Variants in AUTS2 observed in about 807,000 individuals in gnomAD.
AUTS2 encodes activator of transcription and developmental regulator AUTS2.
AUTS2 carries 17 observed loss-of-function variants against 112.4 expected under a neutral mutation model. The observed-to-expected ratio is 0.15, with a 90% confidence interval of 0.10 to 0.23. AUTS2 has a LOEUF of 0.23. Among genes scored for constraint, AUTS2 ranks in the 10% least tolerant of loss-of-function variants. The pLI is 1.00. For missense variants in AUTS2, 1,510 were observed against 1,701.6 expected (o/e 0.89, Z 1.98); for synonymous variants, 751 against 702.7 (o/e 1.07, Z -1.09).
chr7:70,258,853 T>G (rs777174922), intron 4 of AUTS2, among the ~76,000 whole-genome samples: 45 of 152,310 alleles, frequency 3.0e-4, no homozygotes, highest in Non-Finnish European at 4.7e-4. Context: ...TTTGTATTGA[T>G]TACTGACTCT....
chr7:70,398,431 T>A (rs1044178587), intron 4 of AUTS2, among the ~76,000 whole-genome samples: 4 of 152,212 alleles, frequency 2.6e-5, no homozygotes, highest in African/African-American at 4.8e-5. Context: ...ATATTTTGTA[T>A]TTTTTAATGC....
intron 2 of AUTS2, among the ~76,000 whole-genome samples, chr7:70,107,660 C>G (rs985903250): frequency 6.7e-6 from 1 of 149,198 alleles, no homozygotes; most frequent in Admixed American, 6.7e-5. Context: ...AAGTTTATAA[C>G]AGGGATATGT....
At chr7:70,112,359 A>G (rs1341976300) in intron 2 of AUTS2, among the ~76,000 whole-genome samples, 2 of 151,904 alleles carry the variant, frequency 1.3e-5, no homozygotes, top group African/African-American at 4.8e-5. Flanking sequence ...ATTTATTCTT[A>G]TATTCTTTGT....
At chr7:69,756,633 A>G (rs1787957842) in intron 1 of AUTS2, among the ~76,000 whole-genome samples, 2 of 151,370 alleles carry the variant, frequency 1.3e-5, no homozygotes, top group Non-Finnish European at 2.9e-5. Flanking sequence ...ATCTCTTGAA[A>G]TTTCTTTTCT....
At chr7:69,637,694 G>A (rs1287764856) in intron 1 of AUTS2, among the ~76,000 whole-genome samples, 2 of 73,334 alleles carry the variant, frequency 2.7e-5, no homozygotes, top group East Asian at 5.1e-4. Flanking sequence ...AAATCAAAGC[G>A]ATAGTAGATG....
At chr7:70,618,845 T>C (rs184847815) in intron 5 of AUTS2, among the ~76,000 whole-genome samples, 143 of 152,316 alleles carry the variant, frequency 9.4e-4, no homozygotes, top group African/African-American at 3.1e-3. Flanking sequence ...CCCTGTGTTT[T>C]GTTAGAACAT....
intron 3 of AUTS2, chr7:70,118,456 C>T: frequency 2.0e-6 from 1 of 499,626 alleles, no homozygotes; most frequent in East Asian, 3.8e-5. Context: ...TTTGACAAAT[C>T]ATTAGGTAGG....
At chr7:70,213,419 AGG>A (rs1264375008) in intron 4 of AUTS2, among the ~76,000 whole-genome samples, 1 of 150,880 alleles carries the variant, frequency 6.6e-6, no homozygotes, top group East Asian at 2.0e-4. Flanking sequence ...CCAACTACTG[AGG>A]GCATAGAGGT....
At position 69,776,198 on chromosome 7, in the gene AUTS2, C is replaced by T. The variant is rs190658018; in HGVS notation, c.310-123088C>T. 4.6e-3 allele frequency among the ~76,000 whole-genome samples: 701 copies of T among 152,256 alleles called. 3 individuals are homozygous for T. Among genetic ancestry groups the T allele is most frequent in the Non-Finnish European group, 5.1e-3 (348 of 68,020 alleles). On this transcript the variant is annotated intron_variant, in intron 1 of 18. Coordinates refer to ENST00000342771, the MANE Select transcript of AUTS2 (RefSeq NM_015570.4). ...GGGAACTATGTGTGGGGGAAAAATA[C>T]TTATTAGGAATCGTCAGCCTGCATT...
intron 5 of AUTS2, among the ~76,000 whole-genome samples, chr7:70,641,835 A>G (rs1738284888): frequency 2.0e-5 from 3 of 152,014 alleles, no homozygotes; most frequent in African/African-American, 4.8e-5. Flanking sequence ...GTTTCTTGTC[A>G]CTCCACATAA....
chr7:69,708,548 C>G (rs778215190), intron 1 of AUTS2, among the ~76,000 whole-genome samples: 2 of 152,172 alleles, frequency 1.3e-5, no homozygotes, highest in Non-Finnish European at 2.9e-5. Context: ...GCACCTCTCT[C>G]ATGCATGCAA....
intron 4 of AUTS2, among the ~76,000 whole-genome samples, chr7:70,421,029 T>C (rs1795196295): frequency 1.3e-5 from 2 of 152,212 alleles, no homozygotes; most frequent in Admixed American, 1.3e-4. Flanking sequence ...TAGAAAGCTA[T>C]ATTTTGACAA....
intron 2 of AUTS2, among the ~76,000 whole-genome samples, chr7:70,058,622 G>GT (rs35484796): frequency 0.26 from 36,647 of 143,434 alleles, 4,429 homozygotes; most frequent in Middle Eastern, 0.33. Context: ...CTACATGTAG[G>GT]TTTTTTTTTT....
intron 2 of AUTS2, among the ~76,000 whole-genome samples, chr7:70,035,245 C>G (rs1403293656): frequency 6.6e-6 from 1 of 152,184 alleles, no homozygotes; most frequent in African/African-American, 2.4e-5. Flanking sequence ...CCTTTGTTAT[C>G]TAGGTCCATT....
intron 2 of AUTS2, among the ~76,000 whole-genome samples, chr7:70,007,796 T>A (rs967462219): frequency 5.3e-5 from 8 of 152,210 alleles, no homozygotes. Flanking sequence ...AAGGTCTGAA[T>A]ATTTTTTAAA....
chr7:70,739,658 A>G lies in AUTS2; in HGVS notation c.743-23212A>G, dbSNP rs183416325. Among the ~76,000 whole-genome samples, 115 of 152,144 alleles carry G rather than the reference A, an allele frequency of 7.6e-4. 1 individual carries two copies. The highest frequency in any genetic ancestry group is 3.6e-3 in the Admixed American group (55 of 15,290). On this transcript the variant is annotated intron_variant, in intron 6 of 18. Coordinates refer to ENST00000342771, the MANE Select transcript of AUTS2 (RefSeq NM_015570.4). ...ATCTTTTGTTTGGAGGACCATCTTAAAGGTGTGATCTGTACTCAGCCATTT... is the reference window on the plus strand; with the variant it reads ...ATCTTTTGTTTGGAGGACCATCTTAGAGGTGTGATCTGTACTCAGCCATTT...
At chr7:70,787,838 T>C (rs1585695955) in intron 18 of AUTS2, among the ~76,000 whole-genome samples, 1 of 152,232 alleles carries the variant, frequency 6.6e-6, no homozygotes, top group Non-Finnish European at 1.5e-5. Context: ...TCTTTTCCTC[T>C]TTTTGTTTTC....
intron 4 of AUTS2, among the ~76,000 whole-genome samples, chr7:70,377,110 C>T (rs1247385142): frequency 1.3e-5 from 2 of 151,530 alleles, no homozygotes; most frequent in Admixed American, 1.3e-4. Flanking sequence ...TTCTAACTCC[C>T]TAATTGCATG....
intron 5 of AUTS2, among the ~76,000 whole-genome samples, chr7:70,525,410 T>TTGAA (rs67682986): frequency 0.011 from 1,605 of 151,634 alleles, 26 homozygotes; most frequent in African/African-American, 0.023. Flanking sequence ...TGTATATTTG[T>TTGAA]TGAATGAATG....
Sources: allele counts gnomAD v4.1 joint callset (sites outside exome capture counted in the v4.1 genomes callset), GRCh38; gene constraint gnomAD v4.1.1; transcripts MANE v1.5; gene names NCBI Gene and HGNC (gene_info 2026-07-23, HGNC 2026-07-21).